RNF17: variants seen among roughly 807,000 people sequenced by gnomAD.
RNF17 encodes the protein spermatogenesis associated 23.
A neutral mutation model predicts 200.5 loss-of-function variants in RNF17; 31 were observed. That is an observed-to-expected ratio of 0.15 (90% CI 0.12 to 0.21). The LOEUF is 0.21. Ranked by LOEUF, RNF17 falls within the 10% of genes least tolerant of loss-of-function variation. The probability of loss-of-function intolerance (pLI) is 1.00; values close to 1 mark genes in which losing one functional copy is unlikely to be tolerated. For missense variants in RNF17, 1,628 were observed against 1,905.1 expected (o/e 0.85, Z 2.71); for synonymous variants, 606 against 637.8 (o/e 0.95, Z 0.75).
intron 30 of RNF17, among the ~76,000 whole-genome samples, chr13:24,867,216 G>A (rs1278901283): frequency 6.6e-6 from 1 of 152,130 alleles, no homozygotes. Flanking sequence ...ATGGATTTGA[G>A]AGTGTCTCGC....
chr13:24,826,927 G>A (rs533749080), intron 16 of RNF17, among the ~76,000 whole-genome samples: 65 of 152,088 alleles, frequency 4.3e-4, no homozygotes, highest in Admixed American at 1.2e-3. Context: ...GGGCATGGTG[G>A]TGCATGCCTG....
Position 24,845,050 on chromosome 13 carries a change from C to G in RNF17, c.3072C>G (p.Leu1024=), listed in dbSNP as rs1446930817. 4 of 1,569,974 alleles carry G rather than the reference C, an allele frequency of 2.5e-6. No individual in the cohort carries two copies. The highest frequency in any genetic ancestry group is 3.5e-6 in the Non-Finnish European group (4 of 1,140,462). ...LEENLKTMGR[L]SLECSLVDIR... ...AAAATCTAAAGACAATGGGAAGACTCTCTTTGGAATGTTCTCTGGTTGACA... is the reference window on the plus strand; with the variant it reads ...AAAATCTAAAGACAATGGGAAGACTGTCTTTGGAATGTTCTCTGGTTGACA... Residue 1024 remains leucine, a synonymous_variant, in exon 22 of 36, where the codon CTC becomes CTG. Coordinates refer to ENST00000255324, the MANE Select transcript of RNF17 (RefSeq NM_031277.3).
chr13:24,884,614 C>A, downstream of RNF17: 1 of 769,552 alleles, frequency 1.3e-6, no homozygotes, highest in Non-Finnish European at 2.2e-6. Flanking sequence ...GTAGCAAACT[C>A]GTGATTTTCT....
chr13:24,812,288 A>C (rs1379860414), intron 15 of RNF17, among the ~76,000 whole-genome samples: 1 of 151,796 alleles, frequency 6.6e-6, no homozygotes, highest in Non-Finnish European at 1.5e-5. Flanking sequence ...GCTAGCAGTC[A>C]GCGAGACTCC....
intron 22 of RNF17, among the ~76,000 whole-genome samples, chr13:24,846,359 A>G (rs1189058359): frequency 6.6e-6 from 1 of 152,176 alleles, no homozygotes; most frequent in East Asian, 1.9e-4. Context: ...AGTTTCTTTT[A>G]TTGGCAAAAA....
At chr13:24,805,857 C>T (rs998768425) in intron 15 of RNF17, among the ~76,000 whole-genome samples, 4 of 152,024 alleles carry the variant, frequency 2.6e-5, no homozygotes, top group East Asian at 1.9e-4. Context: ...CCCTCATGAA[C>T]ACTTGGTTTT....
intron 31 of RNF17, 137 bp downstream of exon 31, chr13:24,868,853 C>G (rs1944234057): frequency 1.6e-6 from 1 of 625,558 alleles, no homozygotes; most frequent in Admixed American, 2.8e-5. Context: ...TTTGCCCCAC[C>G]CTATAATATC....
chr13:24,809,868 A>G (rs935854657), intron 15 of RNF17, among the ~76,000 whole-genome samples: 2 of 151,968 alleles, frequency 1.3e-5, no homozygotes. Context: ...TTCAAAGAAC[A>G]TATTTATTTC....
At chr13:24,778,585 A>G (rs1180055061) in intron 4 of RNF17, among the ~76,000 whole-genome samples, 179 bp downstream of exon 4, 1 of 152,206 alleles carries the variant, frequency 6.6e-6, no homozygotes, top group Non-Finnish European at 1.5e-5. Flanking sequence ...TTTTCTTCCA[A>G]GGCAGCCTGT....
intron 2 of RNF17, among the ~76,000 whole-genome samples, chr13:24,769,280 G>A (rs1377470618): frequency 6.6e-6 from 1 of 151,930 alleles, no homozygotes; most frequent in Non-Finnish European, 1.5e-5. Flanking sequence ...TAATGTGTAG[G>A]AGTGTTTATA....
intron 9 of RNF17, among the ~76,000 whole-genome samples, chr13:24,790,736 A>T (rs1489840336): frequency 6.6e-6 from 1 of 152,220 alleles, no homozygotes; most frequent in Non-Finnish European, 1.5e-5. Flanking sequence ...GCTTTAAGAT[A>T]GCACTTTGAA....
downstream of RNF17, among the ~76,000 whole-genome samples, chr13:24,881,106 T>C (rs1953801630): frequency 6.6e-6 from 1 of 152,066 alleles, no homozygotes. Flanking sequence ...GCCTTTCCCC[T>C]GTTTTGTAAT....
At chr13:24,826,326 T>G (rs1364579090) in intron 16 of RNF17, among the ~76,000 whole-genome samples, 1 of 152,168 alleles carries the variant, frequency 6.6e-6, no homozygotes, top group East Asian at 1.9e-4. Context: ...GCAACAAAAA[T>G]AATAAAGTTT....
intron 9 of RNF17, among the ~76,000 whole-genome samples, chr13:24,792,233 TC>T (rs1360196770): frequency 1.3e-5 from 2 of 152,322 alleles, no homozygotes; most frequent in East Asian, 3.9e-4. Flanking sequence ...TAAATTTAAC[TC>T]TGAGAGCTGC....
Position 24,825,616 on chromosome 13 carries a change from T to C in RNF17, c.2092-3T>C. 1 of 1,572,520 alleles carries C rather than the reference T, an allele frequency of 6.4e-7. No homozygotes were observed. The highest frequency in any genetic ancestry group is 1.1e-5 in the South Asian group (1 of 89,484). ...GACAGTGCTTTATCCCTTTATTTAC[T>C]AGATAGAGGGCCTGGATATTTTATT... On this transcript the variant is annotated splice_polypyrimidine_tract_variant and splice_region_variant and intron_variant, in intron 15 of 35. Transcript: ENST00000255324.
chr13:24,778,347 G>T lies in RNF17; in HGVS notation c.370G>T (p.Gly124Cys). 1 of 1,613,848 alleles carries T rather than the reference G, an allele frequency of 6.2e-7. No homozygotes were observed. Among genetic ancestry groups the T allele is most frequent in the Non-Finnish European group, 8.5e-7 (1 of 1,179,794 alleles). Residue 124 changes from glycine (G) to cysteine (C), a missense_variant, in exon 4 of 36, where the codon GGT becomes TGT. This residue lies in a region of RNF17 where 502 missense variants were observed against 501.7 expected (regional missense o/e 1.00). Coordinates refer to ENST00000255324, the MANE Select transcript of RNF17 (RefSeq NM_031277.3). Reference protein sequence around the residue: ...FKKTADQLTTGLERSASTDKT... With the variant: ...FKKTADQLTTCLERSASTDKT... ...GAAGACTGCTGATCAGCTAACTACT[G>T]GTTTAGAACGTTCAGCCTCCACAGA...
At chr13:24,795,844 G>A (rs908587340) in intron 10 of RNF17, among the ~76,000 whole-genome samples, 2 of 152,092 alleles carry the variant, frequency 1.3e-5, no homozygotes, top group Non-Finnish European at 2.9e-5. Flanking sequence ...CAGCATATAC[G>A]TTGACTTTAG....
intron 2 of RNF17, among the ~76,000 whole-genome samples, chr13:24,767,961 G>A (rs192648037): frequency 4.6e-4 from 70 of 152,028 alleles, no homozygotes; most frequent in Admixed American, 3.9e-3. Flanking sequence ...TATTTTAATG[G>A]TGTATATTCC....
In RNF17 at chr13:24,850,874, A is replaced by T. The variant is rs560321237; in HGVS notation, c.3204+431A>T. Reference sequence around the variant, plus strand: ...CTGATGTTGTATTCCTCACTTCCCAACTCCCCATTCTGTGACTGGAAAAAA... The same window carrying T: ...CTGATGTTGTATTCCTCACTTCCCATCTCCCCATTCTGTGACTGGAAAAAA... On this transcript the variant is annotated intron_variant, in intron 23 of 35. Transcript: ENST00000255324. Among the ~76,000 whole-genome samples, 18 of 151,990 alleles carry T rather than the reference A, an allele frequency of 1.2e-4. No individual in the cohort carries two copies. The East Asian group carries it at 2.9e-3, about 25-fold the overall frequency.
Sources: gnomAD v4.1 joint callset for allele counts (sites outside exome capture counted in the v4.1 genomes callset) on GRCh38, gnomAD v4.1.1 for gene constraint, gnomAD v4.1.1 regional missense constraint, MANE v1.5 for transcripts, NCBI Gene and HGNC (gene_info 2026-07-23, HGNC 2026-07-21) for gene names.